The following RAD51B variants were observed in gnomAD, a reference collection of about 807,000 sequenced individuals.
RAD51B encodes RAD51 paralog B, also known as DNA repair protein RAD51 homolog 2.
Under a neutral mutation model 42.2 loss-of-function variants are expected in RAD51B, and 38 were observed. The observed-to-expected ratio is 0.90, with a 90% CI of 0.70 to 1.18. The LOEUF (loss-of-function observed/expected upper bound fraction) is 1.18. RAD51B is among the 50% of genes most tolerant of loss of function. The probability of loss-of-function intolerance (pLI) is 0.00; values close to 1 mark genes in which losing one functional copy is unlikely to be tolerated. For missense variants in RAD51B, 373 were observed against 400.7 expected (o/e 0.93, Z 0.59); for synonymous variants, 154 against 145.2 (o/e 1.06, Z -0.43).
intron 7 of RAD51B, among the ~76,000 whole-genome samples, chr14:68,032,603 A>G (rs1566592585): frequency 6.6e-6 from 1 of 152,078 alleles, no homozygotes; most frequent in African/African-American, 2.4e-5. Flanking sequence ...ATTTTTCTAC[A>G]TCTCTTCTTT....
chr14:68,217,515 G>C (rs2079840586), intron 7 of RAD51B, among the ~76,000 whole-genome samples: 1 of 152,160 alleles, frequency 6.6e-6, no homozygotes, highest in Non-Finnish European at 1.5e-5. Flanking sequence ...AGGCCCATCA[G>C]ACTGACTGAG....
intron 10 of RAD51B, among the ~76,000 whole-genome samples, chr14:68,483,563 C>A (rs1383324712): frequency 2.0e-5 from 3 of 152,200 alleles, no homozygotes; most frequent in Admixed American, 6.5e-5. Flanking sequence ...TGACCCCAGA[C>A]CATCATGCCT....
chr14:68,376,737 C>A lies in RAD51B; in HGVS notation c.854-34687C>A, dbSNP rs186914622. ...GGCAGTCTTCTCCTCAGATTGCAAT[C>A]AAAAGTTGCTTGATAAATCAGTAAG... On this transcript the variant is annotated intron_variant, in intron 8 of 10. Transcript: ENST00000471583. Among the ~76,000 whole-genome samples the A allele has an allele frequency of 3.4e-3, 512 of 152,312 alleles. 10 individuals are homozygous for A. Among genetic ancestry groups the A allele is most frequent in the Admixed American group, 0.029 (450 of 15,304 alleles).
intron 10 of RAD51B, 73 bp from the exon 11 acceptor site, chr14:68,477,575 C>A (rs2140253967): frequency 6.7e-7 from 1 of 1,503,280 alleles, no homozygotes; most frequent in South Asian, 1.2e-5. Flanking sequence ...ATTTAGGTTG[C>A]TGGTGGGAAG....
intron 7 of RAD51B, among the ~76,000 whole-genome samples, chr14:68,089,680 C>T (rs1288437716): frequency 6.6e-6 from 1 of 152,226 alleles, no homozygotes; most frequent in Non-Finnish European, 1.5e-5. Flanking sequence ...CCACCATCCC[C>T]TTTCCCCCTT....
intron 7 of RAD51B, among the ~76,000 whole-genome samples, chr14:67,976,758 T>C (rs2075002935): frequency 6.6e-6 from 1 of 152,106 alleles, no homozygotes; most frequent in Non-Finnish European, 1.5e-5. Context: ...CAAAAGAAAC[T>C]ACCATCAGAG....
rs560831977 is a variant in RAD51B, at chr14:68,183,765, T to G, written c.757-108119T>G. Reference sequence around the variant, plus strand: ...GAGTTTGAGACCAGCCTGCGCAATATAGTGAGACCCCATCGCTACAAAAAA... The same window carrying G: ...GAGTTTGAGACCAGCCTGCGCAATAGAGTGAGACCCCATCGCTACAAAAAA... On this transcript the variant is annotated intron_variant, in intron 7 of 10. Coordinates refer to ENST00000471583, the MANE Select transcript of RAD51B (RefSeq NM_133510.4). 2.0e-5 allele frequency among the ~76,000 whole-genome samples: 3 copies of G among 152,010 alleles called. No individual in the cohort carries two copies. The East Asian group carries it at 5.8e-4, about 29-fold the overall frequency.
chr14:68,607,255 C>T (rs17834947), intron 10 of RAD51B, among the ~76,000 whole-genome samples: 73,275 of 152,024 alleles, frequency 0.48, 17,818 homozygotes, highest in Middle Eastern at 0.62. Flanking sequence ...CTCATGCCAG[C>T]ACTTCTGTTT....
intron 7 of RAD51B, among the ~76,000 whole-genome samples, chr14:68,117,847 G>C (rs2140616375): frequency 6.6e-6 from 1 of 152,266 alleles, no homozygotes; most frequent in Middle Eastern, 3.4e-3. Context: ...CTAATCCAAC[G>C]ATGCTGTCAT....
At chr14:68,487,888 G>T (rs989549680) in intron 10 of RAD51B, among the ~76,000 whole-genome samples, 1 of 152,134 alleles carries the variant, frequency 6.6e-6, no homozygotes, top group Non-Finnish European at 1.5e-5. Flanking sequence ...ATTTTGAGGG[G>T]ACACAGCTCA....
At chr14:68,339,047 G>A (rs999330041) in intron 8 of RAD51B, 22 of 667,556 alleles carry the variant, frequency 3.3e-5, no homozygotes, top group Admixed American at 1.6e-4. Context: ...CGATGGGATC[G>A]ACATCGTGTG....
intron 7 of RAD51B, among the ~76,000 whole-genome samples, chr14:68,086,957 G>A (rs2076994725): frequency 6.6e-6 from 1 of 152,010 alleles, no homozygotes; most frequent in African/African-American, 2.4e-5. Flanking sequence ...CCAACATGAT[G>A]AAACCTCATC....
chr14:67,909,673 TTTG>T (rs145415355), intron 7 of RAD51B, among the ~76,000 whole-genome samples: 1,545 of 152,208 alleles, frequency 0.01, 28 homozygotes, highest in African/African-American at 0.035. Context: ...TATATACTTT[TTTG>T]TTGTTGTTTT....
Position 67,825,447 on chromosome 14 carries a change from T to A in RAD51B, c.85-17T>A. The A allele has an allele frequency of 6.5e-7, 1 of 1,548,858 alleles. No homozygotes were observed. The highest frequency in any genetic ancestry group is 1.1e-5 in the South Asian group (1 of 87,656). On this transcript the variant is annotated splice_polypyrimidine_tract_variant and intron_variant, in intron 2 of 10. Coordinates refer to ENST00000471583, the MANE Select transcript of RAD51B (RefSeq NM_133510.4). ...TTACACATATATGTTTAAAATACTC[T>A]CTTTATGTTTCTTTAGGACTTTTTA...
chr14:67,932,624 G>C (rs2044782154), intron 7 of RAD51B, among the ~76,000 whole-genome samples: 1 of 152,102 alleles, frequency 6.6e-6, no homozygotes, highest in Non-Finnish European at 1.5e-5. Flanking sequence ...ATTTGGTATG[G>C]TGTGGGTAGT....
At chr14:68,254,922 A>G (rs1267835860) in intron 7 of RAD51B, among the ~76,000 whole-genome samples, 1 of 152,160 alleles carries the variant, frequency 6.6e-6, no homozygotes, top group Non-Finnish European at 1.5e-5. Context: ...AAATAGTCCA[A>G]TATATTCCTC....
chr14:68,595,544 AT>A, exon 11 of RAD51B: 1 of 1,066,712 alleles, frequency 9.4e-7, no homozygotes, highest in Non-Finnish European at 1.1e-6. Flanking sequence ...GGCCCATCAA[AT>A]GACCAATGGC....
chr14:68,131,437 C>T (rs192613662), intron 7 of RAD51B, among the ~76,000 whole-genome samples: 8 of 152,168 alleles, frequency 5.3e-5, no homozygotes, highest in Admixed American at 1.3e-4. Context: ...GGCTCACGCC[C>T]GTAATCCCTG....
intron 10 of RAD51B, among the ~76,000 whole-genome samples, chr14:68,504,277 G>C (rs78627154): frequency 0.14 from 21,877 of 152,158 alleles, 2,129 homozygotes; most frequent in Non-Finnish European, 0.22. Flanking sequence ...GGGGTAGGGG[G>C]ATCTGAAGGT....
Sources: allele counts gnomAD v4.1 joint callset (sites outside exome capture counted in the v4.1 genomes callset), GRCh38; gene constraint gnomAD v4.1.1; transcripts MANE v1.5; gene names NCBI Gene and HGNC (gene_info 2026-07-23, HGNC 2026-07-21).